PDZRN4: variants seen among roughly 807,000 people sequenced by gnomAD.
The protein encoded by PDZRN4 is PDZ domain-containing RING finger protein 4.
Under a neutral mutation model 99.0 loss-of-function variants are expected in PDZRN4, and 70 were observed. The observed-to-expected ratio is 0.71, with a 90% CI of 0.58 to 0.86. The LOEUF (loss-of-function observed/expected upper bound fraction) is 0.86. PDZRN4 is among the 40% of genes least tolerant of loss of function. The probability of loss-of-function intolerance (pLI) is 0.00; values close to 1 mark genes in which losing one functional copy is unlikely to be tolerated. For synonymous variants in PDZRN4, 551 were observed against 501.6 expected, an observed-to-expected ratio of 1.10 and a Z score of -1.32; for missense variants, 1,474 against 1,331.2, an observed-to-expected ratio of 1.11 and a Z score of -1.67.
At chr12:41,536,345 A>C (rs185772858) in intron 5 of PDZRN4, among the ~76,000 whole-genome samples, 163 of 152,334 alleles carry the variant, frequency 1.1e-3, no homozygotes, top group Non-Finnish European at 1.9e-3. Context: ...AAAAGACTAC[A>C]TACTGTATGA....
At chr12:41,342,730 G>C (rs993408253) in intron 3 of PDZRN4, among the ~76,000 whole-genome samples, 3 of 151,894 alleles carry the variant, frequency 2.0e-5, no homozygotes, top group Non-Finnish European at 4.4e-5. Context: ...AATATATGGA[G>C]AAAAGAGAAC....
intron 3 of PDZRN4, among the ~76,000 whole-genome samples, chr12:41,444,807 G>A (rs1189891645): frequency 6.6e-6 from 1 of 152,008 alleles, no homozygotes; most frequent in East Asian, 1.9e-4. Context: ...GAGCTATGAT[G>A]TTCAGAGAGT....
At chr12:41,320,941 G>T (rs753321253) in intron 3 of PDZRN4, among the ~76,000 whole-genome samples, 1 of 151,862 alleles carries the variant, frequency 6.6e-6, no homozygotes. Flanking sequence ...TTGTTTGCTT[G>T]CATCTTCTAG....
chr12:41,298,051 G>C (rs542749286), intron 3 of PDZRN4, among the ~76,000 whole-genome samples: 1 of 151,986 alleles, frequency 6.6e-6, no homozygotes, highest in Non-Finnish European at 1.5e-5. Flanking sequence ...TCCATTCCTA[G>C]TCTGTCCTAC....
chr12:41,399,497 G>T (rs1263364154), intron 3 of PDZRN4, among the ~76,000 whole-genome samples: 1 of 152,138 alleles, frequency 6.6e-6, no homozygotes, highest in African/African-American at 2.4e-5. Context: ...TACTTTGGGA[G>T]GCCAAGGCAG....
intron 9 of PDZRN4, among the ~76,000 whole-genome samples, chr12:41,571,787 T>C (rs751320167): frequency 2.0e-5 from 3 of 152,224 alleles, no homozygotes; most frequent in Non-Finnish European, 4.4e-5. Context: ...CCTTTTGGAA[T>C]TGAGCATCCT....
chr12:41,449,422 A>C (rs1161714756), intron 3 of PDZRN4, among the ~76,000 whole-genome samples: 3 of 152,130 alleles, frequency 2.0e-5, no homozygotes, highest in African/African-American at 7.2e-5. Context: ...GATGTTTCTC[A>C]AGTAAAGGTG....
chr12:41,370,320 C>T (rs2121077628), intron 3 of PDZRN4, among the ~76,000 whole-genome samples: 1 of 152,034 alleles, frequency 6.6e-6, no homozygotes, highest in Non-Finnish European at 1.5e-5. Context: ...ATTTATTTAT[C>T]TGATCACTCT....
At chr12:41,265,014 C>T (rs931582256) in intron 3 of PDZRN4, among the ~76,000 whole-genome samples, 6 of 152,042 alleles carry the variant, frequency 3.9e-5, no homozygotes, top group Admixed American at 1.3e-4. Context: ...ATTTGGGTGA[C>T]GGGTTCAATT....
chr12:41,276,433 G>C (rs1038811671), intron 3 of PDZRN4, among the ~76,000 whole-genome samples: 2 of 151,834 alleles, frequency 1.3e-5, no homozygotes, highest in African/African-American at 4.8e-5. Flanking sequence ...AGATAGACCT[G>C]GGGATTATTT....
chr12:41,413,805 C>T (rs1448083251), intron 3 of PDZRN4, among the ~76,000 whole-genome samples: 2 of 151,650 alleles, frequency 1.3e-5, no homozygotes, highest in East Asian at 1.9e-4. Flanking sequence ...GTGTTAAGAC[C>T]GTTTACATTC....
intron 3 of PDZRN4, among the ~76,000 whole-genome samples, chr12:41,255,712 C>T (rs1951201086): frequency 6.6e-6 from 1 of 152,120 alleles, no homozygotes; most frequent in African/African-American, 2.4e-5. Flanking sequence ...GCGAGCTGTA[C>T]AGGAAGCATG....
At chr12:41,485,363 G>T (rs1371580773) in intron 3 of PDZRN4, among the ~76,000 whole-genome samples, 1 of 152,240 alleles carries the variant, frequency 6.6e-6, no homozygotes, top group Middle Eastern at 3.4e-3. Flanking sequence ...AGAATTTAGA[G>T]ACTAGCTATT....
intron 5 of PDZRN4, among the ~76,000 whole-genome samples, chr12:41,549,887 G>A (rs761531855): frequency 1.3e-5 from 2 of 152,128 alleles, no homozygotes; most frequent in African/African-American, 2.4e-5. Flanking sequence ...AAATAGGAGG[G>A]TGTTGAGTGT....
intron 3 of PDZRN4, among the ~76,000 whole-genome samples, chr12:41,228,883 A>G (rs1278289456): frequency 6.6e-6 from 1 of 152,090 alleles, no homozygotes; most frequent in Non-Finnish European, 1.5e-5. Flanking sequence ...TTGTTCCTAC[A>G]GAGATAATCT....
At chr12:41,498,123 G>T (rs1938042051) in intron 3 of PDZRN4, among the ~76,000 whole-genome samples, 1 of 151,792 alleles carries the variant, frequency 6.6e-6, no homozygotes, top group Non-Finnish European at 1.5e-5. Flanking sequence ...CATTTGCTTA[G>T]GTTCTCAATC....
In PDZRN4 at chr12:41,189,061, C is replaced by G; in HGVS notation, c.606C>G (p.His202Gln). ...YQEKFTQYMA[H>Q]VRNFVGDLGG... is the part of the protein sequence containing the mutation. ...AGAAGTTCACCCAATACATGGCTCA[C>G]GTCCGCAACTTCGTCGGCGACCTCG... Residue 202 changes from histidine to glutamine, a missense_variant, in exon 1 of 10, where the codon CAC (histidine) becomes CAG (glutamine). His to Gln is a conservative substitution (Grantham distance 24). Coordinates refer to ENST00000402685, the MANE Select transcript of PDZRN4 (RefSeq NM_001164595.2). 1 of 1,579,772 alleles carries G rather than the reference C, an allele frequency of 6.3e-7. No homozygotes were observed. Among genetic ancestry groups the G allele is most frequent in the Non-Finnish European group, 8.5e-7 (1 of 1,171,150 alleles).
chr12:41,527,138 C>G (rs1024743136), intron 5 of PDZRN4, among the ~76,000 whole-genome samples: 6 of 152,102 alleles, frequency 3.9e-5, no homozygotes, highest in African/African-American at 1.4e-4. Flanking sequence ...GGGAAATGGG[C>G]AGTGAGGAAA....
intron 3 of PDZRN4, among the ~76,000 whole-genome samples, chr12:41,316,886 G>T (rs966723402): frequency 6.6e-6 from 1 of 151,432 alleles, no homozygotes; most frequent in Non-Finnish European, 1.5e-5. Context: ...CTGTGAGTCT[G>T]TCTGTTTTCC....
Sources: allele counts gnomAD v4.1 joint callset (sites outside exome capture counted in the v4.1 genomes callset), GRCh38; gene constraint gnomAD v4.1.1; transcripts MANE v1.5; gene names NCBI Gene and HGNC (gene_info 2026-07-23, HGNC 2026-07-21).